JAML: variants seen among roughly 807,000 people sequenced by gnomAD.
JAML encodes the protein junction adhesion molecule like.
JAML carries 25 observed loss-of-function variants against 39.3 expected under a neutral mutation model. The observed-to-expected ratio is 0.64, with a 90% CI of 0.46 to 0.89. JAML has a LOEUF of 0.89. Among genes scored for constraint, JAML ranks in the 40% least tolerant of loss-of-function variants. The probability of loss-of-function intolerance (pLI) is 0.00; values close to 1 mark genes in which losing one functional copy is unlikely to be tolerated. For missense variants in JAML, 440 were observed against 486.9 expected (o/e 0.90, Z 0.91); for synonymous variants, 162 against 179.2 (o/e 0.90, Z 0.77).
At chr11:118,208,267 G>A (rs1352607539) in intron 4 of JAML, among the ~76,000 whole-genome samples, 1 of 151,974 alleles carries the variant, frequency 6.6e-6, no homozygotes, top group East Asian at 1.9e-4. Context: ...GAATCCTTGG[G>A]CACAGGCATC....
At chr11:118,210,433 T>C (rs1949024914) in intron 4 of JAML, 54 bp downstream of exon 4, 1 of 1,574,326 alleles carries the variant, frequency 6.4e-7, no homozygotes, top group African/African-American at 1.4e-5. Flanking sequence ...TCCTTGCCTC[T>C]TGCACATGAA....
intron 4 of JAML, 21 bp from the exon 5 acceptor site, chr11:118,206,012 C>G (rs1173207396): frequency 6.4e-7 from 1 of 1,574,338 alleles, no homozygotes; most frequent in Non-Finnish European, 8.7e-7. Flanking sequence ...AACAGTAAAT[C>G]AAGTCAGACT....
At chr11:118,224,111 C>T (rs1354634639) in intron 1 of JAML, 2 of 152,236 alleles carry the variant, frequency 1.3e-5, no homozygotes, top group African/African-American at 2.4e-5. Context: ...CACTCTAAGC[C>T]ATGCGTCTTA....
rs186234878 is a variant in JAML at position 118,220,482 on chromosome 11, T to G, written c.-21+4459A>C. On this transcript the variant is annotated intron_variant, in intron 1 of 9. Coordinates refer to ENST00000356289, the MANE Select transcript of JAML (RefSeq NM_001098526.2). ...TCCCATCTGTTCCTTCAGACTCACC[T>G]CTGCATTGCATCCTAAAACATTGAG... Among the ~76,000 whole-genome samples, 8 of 152,342 alleles carry G rather than the reference T, an allele frequency of 5.3e-5. No homozygotes were observed. In the East Asian group the frequency reaches 1.5e-3, roughly 29 times the overall value.
At position 118,194,236 on chromosome 11, in the gene JAML, G is replaced by T; in HGVS notation, c.*89C>A. 1 of 1,118,242 alleles carries T rather than the reference G, an allele frequency of 8.9e-7. No homozygotes were observed. Among genetic ancestry groups the T allele is most frequent in the Non-Finnish European group, 1.4e-6 (1 of 734,012 alleles). 69.3% of individuals were successfully genotyped at this position (1,118,242 alleles called of 1,614,324 possible). On this transcript the variant is annotated 3_prime_UTR_variant, in exon 10 of 10. Coordinates refer to ENST00000356289, the MANE Select transcript of JAML (RefSeq NM_001098526.2). ...GAGACAGGAGGACAGCTGGGAGAGC[G>T]GGAGTCTGAAATCACTGGTAGAGTG...
Position 118,197,879 on chromosome 11 carries a change from C to T in JAML, c.1005+119G>A, listed in dbSNP as rs1948692609. 9.9e-6 allele frequency: 9 copies of T among 910,726 alleles called. No homozygotes were observed. In the Admixed American group the frequency reaches 1.3e-4, roughly 13 times the overall value. 56.4% of individuals were successfully genotyped at this position (910,726 alleles called of 1,614,324 possible). Reference sequence around the variant, plus strand: ...GACAAAGGCTTCCTGAGTCCCTGCTCTGTGCCAAGCACTGGCCTGCAAGCT... The same window carrying T: ...GACAAAGGCTTCCTGAGTCCCTGCTTTGTGCCAAGCACTGGCCTGCAAGCT... On this transcript the variant is annotated intron_variant, in intron 8 of 9. Transcript: ENST00000356289.
At chr11:118,202,791 G>A (rs1333700616) in intron 6 of JAML, 6 of 376,082 alleles carry the variant, frequency 1.6e-5, no homozygotes, top group African/African-American at 8.4e-5. Flanking sequence ...AGGCCCTAGC[G>A]ACAGGCAAAG....
At position 118,203,441 on chromosome 11, in the gene JAML, C is replaced by T. The variant is rs747718995; in HGVS notation, c.759G>A (p.Pro253=). The T allele has an allele frequency of 6.2e-6, 10 of 1,614,092 alleles. No homozygotes were observed. Among genetic ancestry groups the T allele is most frequent in the South Asian group, 2.2e-5 (2 of 91,084 alleles). ...FKKTIVLHVS[P]EEPRTLVTPA... Reference sequence around the variant, plus strand: ...AATGTTAGATACTTCGAGGCTCTTCCGGGCTGACATGCAGCACAATGGTTT... The same window carrying T: ...AATGTTAGATACTTCGAGGCTCTTCTGGGCTGACATGCAGCACAATGGTTT... The change falls in exon 6 of 10, where the codon CCG becomes CCA. Residue 253 remains proline, a synonymous_variant. Transcript: ENST00000356289.
At chr11:118,199,677 CATTATTATT>C (rs878995585) in intron 7 of JAML, among the ~76,000 whole-genome samples, 1 of 135,672 alleles carries the variant, frequency 7.4e-6, no homozygotes, top group African/African-American at 2.8e-5. Context: ...TTTAAAAGCA[CATTATTATT>C]ATTATTATTT....
At chr11:118,214,684 A>G (rs962293656) in intron 2 of JAML, 140 bp downstream of exon 2, 1 of 878,060 alleles carries the variant, frequency 1.1e-6, no homozygotes, top group East Asian at 2.4e-5. Flanking sequence ...AGCTGCTTCA[A>G]CAAAACTGTG....
chr11:118,193,731 C>T lies in JAML; in HGVS notation c.*594G>A, dbSNP rs1284841229. On this transcript the variant is annotated 3_prime_UTR_variant, in exon 10 of 10. Transcript: ENST00000356289. Reference sequence around the variant, plus strand: ...GGAATGAAGAACCACTGAGTTAAATCCCAAAACTGTATTCATACCCTACTT... The same window carrying T: ...GGAATGAAGAACCACTGAGTTAAATTCCAAAACTGTATTCATACCCTACTT... 1 of 152,908 alleles carries T rather than the reference C, an allele frequency of 6.5e-6. No individual in the cohort carries two copies. The highest frequency in any genetic ancestry group is 1.5e-5 in the Non-Finnish European group (1 of 68,526). 9.5% of individuals were successfully genotyped at this position (152,908 alleles called of 1,614,324 possible). A position where few individuals can be genotyped will look rare whatever the true frequency, so the allele number is the denominator to read the frequency against.
At chr11:118,195,584 G>A (rs1327974383) in intron 9 of JAML, among the ~76,000 whole-genome samples, 1 of 152,156 alleles carries the variant, frequency 6.6e-6, no homozygotes, top group Non-Finnish European at 1.5e-5. Context: ...AGGCACTGCA[G>A]TTCTCTAAGG....
chr11:118,205,888 G>T lies in JAML; in HGVS notation c.528C>A (p.Arg176=). 6.2e-7 allele frequency: 1 copy of T among 1,613,578 alleles called. No individual in the cohort carries two copies. Among genetic ancestry groups the T allele is most frequent in the Non-Finnish European group, 8.5e-7 (1 of 1,179,572 alleles). Residue 176 remains arginine (R), a synonymous_variant, in exon 5 of 10, where the codon CGC becomes CGA. Coordinates refer to ENST00000356289, the MANE Select transcript of JAML (RefSeq NM_001098526.2). ...GATGTTTCCTCCTTGTTACCTTTGC[G>T]CGCCGTCCTGAAAATATCCATTCTA... The part of the protein sequence containing the change: ...TKVEWIFSGR[R]AKEEIVFRYY...
chr11:118,217,154 T>G (rs542884205), intron 1 of JAML, among the ~76,000 whole-genome samples: 1 of 152,352 alleles, frequency 6.6e-6, no homozygotes, highest in African/African-American at 2.4e-5. Context: ...CATACGTGCC[T>G]TATTTAGATG....
At chr11:118,213,233 C>G in intron 2 of JAML, 1 of 1,261,754 alleles carries the variant, frequency 7.9e-7, no homozygotes, top group Non-Finnish European at 1.0e-6. Flanking sequence ...CGAGCGGTCA[C>G]TACAAGAAAA....
Position 118,194,420 on chromosome 11 carries a change from G to GT in JAML, c.1093-4dup. On this transcript the variant is annotated splice_region_variant and splice_polypyrimidine_tract_variant and intron_variant, in intron 9 of 9. Coordinates refer to ENST00000356289, the MANE Select transcript of JAML (RefSeq NM_001098526.2). Reference sequence around the variant, plus strand: ...CTCAGAGAAGGCCAAACTGGGTGCTGTGGGGGAAGGGCAGAAAGAAACAAA... The same window carrying GT: ...CTCAGAGAAGGCCAAACTGGGTGCTGTTGGGGGAAGGGCAGAAAGAAACAAA... The GT allele has an allele frequency of 6.2e-7, 1 of 1,613,556 alleles. No individual in the cohort carries two copies. The highest frequency in any genetic ancestry group is 8.5e-7 in the Non-Finnish European group (1 of 1,179,460).
intron 8 of JAML, 190 bp from the exon 9 acceptor site, chr11:118,197,011 AAC>A (rs1355318470): frequency 1.1e-5 from 6 of 548,952 alleles, no homozygotes; most frequent in African/African-American, 9.5e-5. Context: ...ACTGTCAAAG[AAC>A]ACAGTCTTAA....
At chr11:118,224,322 AGGGTGTAACAAG>A (rs1949239070) in intron 1 of JAML, among the ~76,000 whole-genome samples, 1 of 152,268 alleles carries the variant, frequency 6.6e-6, no homozygotes, top group South Asian at 2.1e-4. Context: ...GGCTGTGCTG[AGGGTGTAACAAG>A]CATGGACAGT....
intron 3 of JAML, among the ~76,000 whole-genome samples, chr11:118,210,933 A>G (rs1949045524): frequency 6.6e-6 from 1 of 152,266 alleles, no homozygotes; most frequent in Non-Finnish European, 1.5e-5. Context: ...AATGCAGTCC[A>G]CATTTTATTT....
Sources: allele counts gnomAD v4.1 joint callset (sites outside exome capture counted in the v4.1 genomes callset), GRCh38; gene constraint gnomAD v4.1.1; transcripts MANE v1.5; gene names NCBI Gene and HGNC (gene_info 2026-07-23, HGNC 2026-07-21).